ATXN7L1: variants seen among roughly 807,000 people sequenced by gnomAD.
ATXN7L1 encodes the protein ataxin-7-like protein 1.
A neutral mutation model predicts 70.8 loss-of-function variants in ATXN7L1; 15 were observed. The ratio of observed to expected loss-of-function variants is 0.21; its 90% CI spans 0.14 to 0.33. ATXN7L1 has a LOEUF of 0.33. ATXN7L1 is among the 10% of genes least tolerant of loss of function. The probability of loss-of-function intolerance (pLI) is 1.00; values close to 1 mark genes in which losing one functional copy is unlikely to be tolerated. For missense variants in ATXN7L1, 975 were observed against 1,097.1 expected (o/e 0.89, Z 1.57); for synonymous variants, 440 against 445.1 (o/e 0.99, Z 0.14).
rs1392785616 is a variant in ATXN7L1, at chr7:105,750,283, C to T, written c.355+38321G>A. Among the ~76,000 whole-genome samples, 5 of 146,122 alleles carry T rather than the reference C, an allele frequency of 3.4e-5. 1 individual carries two copies. Among genetic ancestry groups the T allele is most frequent in the Admixed American group, 2.8e-4 (4 of 14,518 alleles). Reference sequence around the variant, plus strand: ...ATATAATTTTAGATTTATAATTGCTCTTTTTTTTTTTTGAGACAGGATCTC... The same window carrying T: ...ATATAATTTTAGATTTATAATTGCTTTTTTTTTTTTTTGAGACAGGATCTC... On this transcript the variant is annotated intron_variant, in intron 3 of 11. Transcript: ENST00000419735.
chr7:105,756,622 T>G (rs1799833633), intron 3 of ATXN7L1, among the ~76,000 whole-genome samples: 1 of 152,180 alleles, frequency 6.6e-6, no homozygotes. Context: ...GCTCACCAAA[T>G]GTAATAAATA....
chr7:105,678,394 A>C (rs1284917576), intron 3 of ATXN7L1, among the ~76,000 whole-genome samples: 2 of 152,114 alleles, frequency 1.3e-5, no homozygotes, highest in African/African-American at 4.8e-5. Flanking sequence ...AACCAGCCAG[A>C]CACGCTGCCC....
chr7:105,624,649 CAAA>C (rs386410908), intron 7 of ATXN7L1, among the ~76,000 whole-genome samples: 1 of 114,960 alleles, frequency 8.7e-6, no homozygotes, highest in African/African-American at 3.4e-5. Flanking sequence ...GACTCTGTCT[CAAA>C]AAAAAAAAAA....
intron 3 of ATXN7L1, chr7:105,679,182 T>C (rs1805199603): frequency 4.1e-6 from 4 of 971,196 alleles, no homozygotes; most frequent in Non-Finnish European, 4.9e-6. Context: ...CCACTTCCCC[T>C]TTAAGAGAGC....
At chr7:105,610,638 C>G in intron 10 of ATXN7L1, 35 bp from the exon 11 acceptor site, 2 of 1,534,664 alleles carry the variant, frequency 1.3e-6, no homozygotes, top group Non-Finnish European at 1.8e-6. Context: ...CTCAGACACA[C>G]GAGCCAGCCT....
chr7:105,732,959 T>C (rs567184), intron 3 of ATXN7L1, among the ~76,000 whole-genome samples: 47,119 of 152,094 alleles, frequency 0.31, 8,427 homozygotes, highest in African/African-American at 0.5. Context: ...TCTGCTCAAA[T>C]GACACTGTAT....
chr7:105,623,714 C>T (rs550531142), intron 8 of ATXN7L1, among the ~76,000 whole-genome samples: 1 of 152,154 alleles, frequency 6.6e-6, no homozygotes, highest in Admixed American at 6.5e-5. Context: ...TCAGAGGCTC[C>T]GTTTTTAGAT....
intron 3 of ATXN7L1, among the ~76,000 whole-genome samples, chr7:105,740,858 G>A (rs893171923): frequency 1.3e-5 from 2 of 148,184 alleles, no homozygotes; most frequent in East Asian, 2.0e-4. Context: ...TCCGCCTCCC[G>A]GGTTCAAGCC....
At chr7:105,701,862 G>A (rs1033468374) in intron 3 of ATXN7L1, among the ~76,000 whole-genome samples, 2 of 152,120 alleles carry the variant, frequency 1.3e-5, no homozygotes, top group African/African-American at 4.8e-5. Context: ...GAGCCACGGT[G>A]CCCAACTCAT....
chr7:105,610,497 T>G, intron 11 of ATXN7L1, 32 bp downstream of exon 11: 1 of 1,516,860 alleles, frequency 6.6e-7, no homozygotes, highest in African/African-American at 1.4e-5. Context: ...ACCATATGAA[T>G]TTTTGCCCCA....
intron 7 of ATXN7L1, among the ~76,000 whole-genome samples, chr7:105,633,949 G>A (rs934380744): frequency 6.6e-6 from 1 of 152,192 alleles, no homozygotes; most frequent in African/African-American, 2.4e-5. Context: ...CACACCAGGA[G>A]GAGGGAGTTC....
intron 2 of ATXN7L1, among the ~76,000 whole-genome samples, chr7:105,873,808 G>A (rs1204151123): frequency 2.0e-5 from 3 of 152,166 alleles, no homozygotes; most frequent in Admixed American, 2.0e-4. Context: ...CTGAGGAAAG[G>A]AGAGCTTTTC....
chr7:105,618,084 T>C (rs1039721283), intron 9 of ATXN7L1: 1 of 456,490 alleles, frequency 2.2e-6, no homozygotes, highest in African/African-American at 2.0e-5. Flanking sequence ...GCCCTGTGGC[T>C]CGGGTTTCTG....
At chr7:105,778,510 CAAAAAAAAA>C (rs745820046) in intron 3 of ATXN7L1, among the ~76,000 whole-genome samples, 1 of 34,162 alleles carries the variant, frequency 2.9e-5, no homozygotes, top group African/African-American at 1.2e-4. Flanking sequence ...GACCCTATCT[CAAAAAAAAA>C]AAAAAAAAAA....
chr7:105,790,674 ACTAT>A (rs3036755), intron 2 of ATXN7L1, among the ~76,000 whole-genome samples: 6,648 of 113,292 alleles, frequency 0.059, 245 homozygotes, highest in South Asian at 0.082. Flanking sequence ...CTATCTATCT[ACTAT>A]CTATCTATCT....
At chr7:105,613,597 C>T in intron 10 of ATXN7L1, 2 of 1,358,998 alleles carry the variant, frequency 1.5e-6, no homozygotes, top group Non-Finnish European at 1.9e-6. Flanking sequence ...GTGATAACTG[C>T]ACTCACTGCA....
intron 2 of ATXN7L1, among the ~76,000 whole-genome samples, chr7:105,853,365 C>T (rs1249429800): frequency 6.6e-6 from 1 of 152,128 alleles, no homozygotes; most frequent in South Asian, 2.1e-4. Context: ...CCAGCCTGGC[C>T]AACATGGTGA....
At chr7:105,623,917 G>GT (rs1172547168) in intron 8 of ATXN7L1, among the ~76,000 whole-genome samples, 158 bp downstream of exon 8, 2 of 152,198 alleles carry the variant, frequency 1.3e-5, no homozygotes, top group African/African-American at 4.8e-5. Flanking sequence ...ATGTTCAAGG[G>GT]TATTTCTAAG....
At chr7:105,806,161 GAGACTGA>G (rs1807567608) in intron 2 of ATXN7L1, among the ~76,000 whole-genome samples, 1 of 152,116 alleles carries the variant, frequency 6.6e-6, no homozygotes, top group African/African-American at 2.4e-5. Context: ...CATGGTGCTA[GAGACTGA>G]ACTGCGTCCC....
Sources: gnomAD v4.1 joint callset for allele counts (sites outside exome capture counted in the v4.1 genomes callset) on GRCh38, gnomAD v4.1.1 for gene constraint, MANE v1.5 for transcripts, NCBI Gene and HGNC (gene_info 2026-07-23, HGNC 2026-07-21) for gene names.